GRM8: variants seen among roughly 807,000 people sequenced by gnomAD.
The protein encoded by GRM8 is glutamate metabotropic receptor 8, also known as metabotropic glutamate receptor 8.
A neutral mutation model predicts 87.2 loss-of-function variants in GRM8; 47 were observed. The ratio of observed to expected loss-of-function variants is 0.54; its 90% confidence interval spans 0.43 to 0.69. The LOEUF (loss-of-function observed/expected upper bound fraction) is 0.69. Ranked by LOEUF, GRM8 falls within the 30% of genes least tolerant of loss-of-function variation. The pLI, the probability that GRM8 is intolerant of heterozygous loss-of-function variation, is 0.00. For missense variants in GRM8, 1,019 were observed against 1,139.2 expected, an observed-to-expected ratio of 0.89 and a Z score of 1.52; for synonymous variants, 396 against 404.5, an observed-to-expected ratio of 0.98 and a Z score of 0.25.
chr7:126,511,097 A>C (rs994469239), intron 9 of GRM8: 1 of 152,086 alleles, frequency 6.6e-6, no homozygotes, highest in African/African-American at 2.4e-5. Context: ...CTTTTTCTCT[A>C]TGGAGATATC....
intron 3 of GRM8, among the ~76,000 whole-genome samples, chr7:127,007,631 C>G (rs926759619): frequency 2.6e-5 from 4 of 152,174 alleles, no homozygotes; most frequent in East Asian, 3.9e-4. Flanking sequence ...TTTGAAAGTT[C>G]AGGCCAAGAC....
At chr7:126,483,462 TCCC>T (rs1806961795) in intron 9 of GRM8, among the ~76,000 whole-genome samples, 5 of 50,122 alleles carry the variant, frequency 1.0e-4, no homozygotes, top group Non-Finnish European at 1.1e-4. Flanking sequence ...CCTCCCTCCC[TCCC>T]TCCCTCCCTT....
At chr7:126,690,843 T>A (rs879315237) in intron 7 of GRM8, among the ~76,000 whole-genome samples, 1 of 152,130 alleles carries the variant, frequency 6.6e-6, no homozygotes, top group Non-Finnish European at 1.5e-5. Flanking sequence ...ACCCATAATG[T>A]GTAGCTCCTC....
intron 7 of GRM8, among the ~76,000 whole-genome samples, chr7:126,692,281 A>C (rs1808907795): frequency 6.6e-6 from 1 of 152,244 alleles, no homozygotes; most frequent in African/African-American, 2.4e-5. Flanking sequence ...TTGATACCAC[A>C]ACCTTTGAAA....
chr7:127,108,360 T>C (rs1413486747), intron 2 of GRM8, among the ~76,000 whole-genome samples: 1 of 152,144 alleles, frequency 6.6e-6, no homozygotes, highest in Non-Finnish European at 1.5e-5. Flanking sequence ...ATATCAAAAG[T>C]ATGTGCATTC....
chr7:126,918,422 T>C (rs185462282), intron 3 of GRM8, among the ~76,000 whole-genome samples: 27 of 152,246 alleles, frequency 1.8e-4, no homozygotes, highest in Admixed American at 1.8e-3. Flanking sequence ...GGAGATTTAA[T>C]CTAACTTTTC....
intron 7 of GRM8, among the ~76,000 whole-genome samples, chr7:126,724,682 T>C (rs747998238): frequency 6.6e-6 from 1 of 151,900 alleles, no homozygotes; most frequent in Non-Finnish European, 1.5e-5. Context: ...AGAACACTTT[T>C]ATGTAAAGCA....
At chr7:127,135,617 C>CAA (rs1168682673) in intron 2 of GRM8, among the ~76,000 whole-genome samples, 1,279 of 35,938 alleles carry the variant, frequency 0.036, 160 homozygotes, top group East Asian at 0.16. Flanking sequence ...GACTCCGTCT[C>CAA]AAAAAAAAAA....
At chr7:126,826,750 G>C (rs1563223922) in intron 6 of GRM8, among the ~76,000 whole-genome samples, 2 of 152,020 alleles carry the variant, frequency 1.3e-5, no homozygotes, top group Non-Finnish European at 2.9e-5. Context: ...TTTGGCTTTT[G>C]TTGCCATTGC....
chr7:127,048,022 G>T (rs771128852), intron 3 of GRM8, among the ~76,000 whole-genome samples: 6 of 152,082 alleles, frequency 3.9e-5, no homozygotes, highest in African/African-American at 1.2e-4. Flanking sequence ...ACTGTTCTAG[G>T]TGTCTGAAAT....
intron 7 of GRM8, among the ~76,000 whole-genome samples, chr7:126,686,096 G>GA (rs963452997): frequency 6.6e-6 from 1 of 151,280 alleles, no homozygotes; most frequent in Non-Finnish European, 1.5e-5. Flanking sequence ...CCTCTCTGCT[G>GA]AAAGTTGAGG....
intron 2 of GRM8, among the ~76,000 whole-genome samples, chr7:127,124,165 T>C (rs1476296028): frequency 6.6e-6 from 1 of 152,158 alleles, no homozygotes; most frequent in African/African-American, 2.4e-5. Flanking sequence ...AAGCTAATAT[T>C]TGTCTACCTT....
At chr7:126,927,570 A>G (rs952157563) in intron 3 of GRM8, among the ~76,000 whole-genome samples, 1 of 152,248 alleles carries the variant, frequency 6.6e-6, no homozygotes, top group African/African-American at 2.4e-5. Context: ...ATGAACAGAC[A>G]CTTCTCAAAA....
intron 6 of GRM8, among the ~76,000 whole-genome samples, chr7:126,890,761 C>T (rs1337341826): frequency 1.3e-5 from 2 of 151,982 alleles, no homozygotes; most frequent in African/African-American, 2.4e-5. Context: ...AGAGACATGG[C>T]CAGAGGGGCT....
At chr7:126,952,087 GA>G (rs1295358667) in intron 3 of GRM8, among the ~76,000 whole-genome samples, 1 of 151,372 alleles carries the variant, frequency 6.6e-6, no homozygotes, top group Admixed American at 6.6e-5. Context: ...AGAGCAGGAG[GA>G]AAAAAATAAG....
In GRM8 at chr7:127,252,765, G is replaced by T. The variant is rs1239197705; in HGVS notation, c.-312+32C>A. On this transcript the variant is annotated intron_variant, in intron 1 of 10. Transcript: ENST00000339582. The surrounding 1 kb of genome is among the most constrained non-coding windows in gnomAD (Gnocchi z 4.9). ...TGGTTCGGCACTTGCTTTCCTCGGA[G>T]CCGCTTTCTGCTGCCGGGCGGCGAG... 1 of 155,268 alleles carries T rather than the reference G, an allele frequency of 6.4e-6. No homozygotes were observed. The highest frequency in any genetic ancestry group is 2.4e-5 in the African/African-American group (1 of 41,484). The allele number at this position is 155,268 out of a possible 1,614,324, so 9.6% of individuals were successfully genotyped here.
In GRM8 at chr7:127,106,600, T is replaced by C. The variant is rs765602970; in HGVS notation, c.623A>G (p.Asp208Gly). 6.2e-7 allele frequency: 1 copy of C among 1,614,096 alleles called. No individual in the cohort carries two copies. Among genetic ancestry groups the C allele is most frequent in the African/African-American group, 1.3e-5 (1 of 75,062 alleles). ...PDSYQAQAMV[D>G]IVTALGWNYV... is the part of the protein sequence containing the mutation. ...ATTCCATCCCAGTGCTGTCACGATGTCCACCATGGCTTGGGCTTGGTAGGA... is the reference window on the plus strand; with the variant it reads ...ATTCCATCCCAGTGCTGTCACGATGCCCACCATGGCTTGGGCTTGGTAGGA... Residue 208 changes from aspartate (D) to glycine (G), a missense_variant, in exon 3 of 11, where the codon GAC (aspartate) becomes GGC (glycine). By Grantham distance (94) the Asp-to-Gly change is moderately conservative. Transcript: ENST00000339582.
intron 9 of GRM8, among the ~76,000 whole-genome samples, chr7:126,481,897 T>G (rs1164511665): frequency 6.6e-6 from 1 of 152,092 alleles, no homozygotes; most frequent in Non-Finnish European, 1.5e-5. Flanking sequence ...GAGCTTTCTG[T>G]GTCACTTTTA....
chr7:127,248,201 G>A (rs1798678551), intron 1 of GRM8, among the ~76,000 whole-genome samples: 1 of 152,198 alleles, frequency 6.6e-6, no homozygotes, highest in South Asian at 2.1e-4. Context: ...GAGAGAAAGT[G>A]GGTGACATCA....
Sources: allele counts gnomAD v4.1 joint callset (sites outside exome capture counted in the v4.1 genomes callset), GRCh38; gene constraint gnomAD v4.1.1; non-coding constraint Gnocchi (gnomAD v3.1); transcripts MANE v1.5; gene names NCBI Gene and HGNC (gene_info 2026-07-23, HGNC 2026-07-21).